Variants in KANSL1L observed in about 807,000 individuals in gnomAD.
KANSL1L encodes KAT8 regulatory NSL complex subunit 1 like.
A neutral mutation model predicts 108.6 loss-of-function variants in KANSL1L; 25 were observed. The ratio of observed to expected loss-of-function variants is 0.23; its 90% CI spans 0.17 to 0.32. The LOEUF is 0.32. KANSL1L is among the 10% of genes least tolerant of loss of function. The pLI is 1.00. For synonymous variants in KANSL1L, 405 were observed against 395.1 expected (o/e 1.03, Z -0.30); for missense variants, 1,137 against 1,125.7 (o/e 1.01, Z -0.14).
intron 11 of KANSL1L, 43 bp from the exon 12 acceptor site, chr2:210,027,393 T>A: frequency 7.2e-7 from 1 of 1,388,572 alleles, no homozygotes; most frequent in Non-Finnish European, 1.0e-6. Context: ...TTTATTTATT[T>A]AAATGTGGCA....
chr2:210,127,386 A>G (rs947431461), intron 3 of KANSL1L, among the ~76,000 whole-genome samples: 1 of 152,236 alleles, frequency 6.6e-6, no homozygotes, highest in African/African-American at 2.4e-5. Context: ...AGATTTAGCA[A>G]TGATTTCTTA....
At chr2:210,080,325 C>T (rs2125344637) in intron 5 of KANSL1L, 1 of 152,274 alleles carries the variant, frequency 6.6e-6, no homozygotes, top group African/African-American at 2.4e-5. Flanking sequence ...TGATGCTTTC[C>T]CTTGTTCTCT....
chr2:210,122,825 C>A (rs1178039396), intron 3 of KANSL1L, among the ~76,000 whole-genome samples: 3 of 141,822 alleles, frequency 2.1e-5, no homozygotes, highest in African/African-American at 8.1e-5. Flanking sequence ...ACATAAGGTG[C>A]TCAAACAAAT....
intron 6 of KANSL1L, among the ~76,000 whole-genome samples, chr2:210,049,401 C>T (rs940272347): frequency 4.7e-5 from 7 of 147,788 alleles, no homozygotes; most frequent in African/African-American, 1.8e-4. Flanking sequence ...ATTTTACATT[C>T]TATTTTGTGG....
At position 210,098,136 on chromosome 2, in the gene KANSL1L, G is replaced by C. The variant is rs2094756347; in HGVS notation, c.1500C>G (p.Leu500=). Residue 500 remains leucine (L), a synonymous_variant, in exon 5 of 15, where the codon CTC becomes CTG. Coordinates refer to ENST00000281772, the MANE Select transcript of KANSL1L (RefSeq NM_152519.4). ...ATTTATGGCTACAGGATTTGGAAGA[G>C]AGGGGTGATGAAGTTGGGGACAAGT... The part of the protein sequence containing the change: ...PLNLSPTSSP[L]SSKSCSHKCL... 7 of 1,611,848 alleles carry C rather than the reference G, an allele frequency of 4.3e-6. No individual in the cohort carries two copies. The African/African-American group carries it at 9.4e-5, about 22-fold the overall frequency.
At chr2:210,113,867 G>C (rs1242458316) in intron 3 of KANSL1L, among the ~76,000 whole-genome samples, 7 of 152,056 alleles carry the variant, frequency 4.6e-5, no homozygotes, top group Non-Finnish European at 1.0e-4. Context: ...AGCCAGGACA[G>C]TAAAAATAAT....
At chr2:210,070,509 C>T (rs891883241) in intron 6 of KANSL1L, among the ~76,000 whole-genome samples, 4 of 152,082 alleles carry the variant, frequency 2.6e-5, no homozygotes, top group Admixed American at 1.3e-4. Context: ...GGATTACAGG[C>T]GTGAGCCACT....
At position 210,084,296 on chromosome 2, in the gene KANSL1L, C is replaced by T. The variant is rs117203891; in HGVS notation, c.1551-8540G>A. On this transcript the variant is annotated intron_variant, in intron 5 of 14. Transcript: ENST00000281772. The stretch of plus-strand genomic sequence containing the variant: ...AATTTGCCAGGTGTGATGGCGGGCA[C>T]CTGTAATCCTAGCTGTTCAGGAGGC... Among the ~76,000 whole-genome samples, 10 of 152,082 alleles carry T rather than the reference C, an allele frequency of 6.6e-5. No homozygotes were observed. In the East Asian group the frequency reaches 2.0e-3, roughly 30 times the overall value.
At chr2:210,094,121 T>C (rs773739705) in intron 5 of KANSL1L, among the ~76,000 whole-genome samples, 8 of 152,136 alleles carry the variant, frequency 5.3e-5, no homozygotes, top group Non-Finnish European at 8.8e-5. Flanking sequence ...AAAAAAATTC[T>C]GAAGATGGAT....
chr2:210,144,938 T>G (rs1180287993), intron 2 of KANSL1L, among the ~76,000 whole-genome samples: 2 of 152,204 alleles, frequency 1.3e-5, no homozygotes, highest in Non-Finnish European at 2.9e-5. Flanking sequence ...AGCAGTCACC[T>G]CCTTCTGACT....
At chr2:210,072,016 A>G (rs975991137) in intron 6 of KANSL1L, among the ~76,000 whole-genome samples, 2 of 152,250 alleles carry the variant, frequency 1.3e-5, no homozygotes, top group Non-Finnish European at 2.9e-5. Context: ...TGCAAAAACA[A>G]TAATATTCAG....
At chr2:210,114,861 A>G (rs974479995) in intron 3 of KANSL1L, among the ~76,000 whole-genome samples, 1 of 152,104 alleles carries the variant, frequency 6.6e-6, no homozygotes, top group East Asian at 1.9e-4. Flanking sequence ...AACTGGAATA[A>G]ATTCAAATTA....
chr2:210,126,972 T>C (rs372523447), intron 3 of KANSL1L, among the ~76,000 whole-genome samples: 184 of 152,110 alleles, frequency 1.2e-3, no homozygotes, highest in African/African-American at 4.0e-3. Context: ...GGTGAGAGGA[T>C]GGCTTGAGCC....
chr2:210,035,831 C>T (rs531408863), intron 8 of KANSL1L, among the ~76,000 whole-genome samples: 266 of 152,262 alleles, frequency 1.7e-3, no homozygotes, highest in African/African-American at 5.9e-3. Flanking sequence ...CATGACAAGA[C>T]ATATGTTTGT....
chr2:210,159,668 A>G (rs1247423013), intron 1 of KANSL1L, among the ~76,000 whole-genome samples: 2 of 152,224 alleles, frequency 1.3e-5, no homozygotes, highest in Non-Finnish European at 2.9e-5. Context: ...TTCAATTACT[A>G]TTTTTTAATT....
chr2:210,071,516 C>G (rs979488839), intron 6 of KANSL1L, among the ~76,000 whole-genome samples: 1 of 152,114 alleles, frequency 6.6e-6, no homozygotes, highest in East Asian at 1.9e-4. Flanking sequence ...TGATCCACCC[C>G]CCTCGGCCTC....
intron 3 of KANSL1L, among the ~76,000 whole-genome samples, chr2:210,107,521 T>A (rs55879125): frequency 0.94 from 127,232 of 135,234 alleles, 59,899 homozygotes; most frequent in Non-Finnish European, 0.99. Context: ...AAAAAAAAAA[T>A]ATATATATAT....
intron 3 of KANSL1L, among the ~76,000 whole-genome samples, chr2:210,110,550 A>C (rs1254798175): frequency 1.3e-5 from 2 of 152,242 alleles, no homozygotes; most frequent in Admixed American, 1.3e-4. Context: ...ATACAGGACA[A>C]AGTCTAAGCA....
intron 11 of KANSL1L, among the ~76,000 whole-genome samples, chr2:210,028,042 A>T (rs1464856836): frequency 6.6e-6 from 1 of 152,182 alleles, no homozygotes; most frequent in Non-Finnish European, 1.5e-5. Flanking sequence ...TTCTGTCTCT[A>T]CTTCCTGGTG....
Sources: gnomAD v4.1 joint callset for allele counts (sites outside exome capture counted in the v4.1 genomes callset) on GRCh38, gnomAD v4.1.1 for gene constraint, MANE v1.5 for transcripts, NCBI Gene and HGNC (gene_info 2026-07-23, HGNC 2026-07-21) for gene names.